Variants in WDR49 observed in about 807,000 individuals in gnomAD.
WDR49 encodes cilia- and flagella-associated protein 337.
A neutral mutation model predicts 119.5 loss-of-function variants in WDR49; 107 were observed. The observed-to-expected ratio is 0.90, with a 90% CI of 0.77 to 1.05. The LOEUF (loss-of-function observed/expected upper bound fraction) is 1.05. Ranked by LOEUF, WDR49 falls within the 50% of genes least tolerant of loss-of-function variation. The pLI is 0.00. For missense variants in WDR49, 1,240 were observed against 1,220.5 expected, an observed-to-expected ratio of 1.02 and a Z score of -0.24; for synonymous variants, 425 against 418.8, an observed-to-expected ratio of 1.01 and a Z score of -0.18.
intron 16 of WDR49, among the ~76,000 whole-genome samples, chr3:167,506,455 T>A (rs991344218): frequency 2.0e-5 from 3 of 152,228 alleles, no homozygotes; most frequent in Non-Finnish European, 2.9e-5. Flanking sequence ...TAAAAGATTT[T>A]AAAATATCAA....
At chr3:167,559,310 G>A (rs1253755004) in intron 9 of WDR49, among the ~76,000 whole-genome samples, 1 of 152,094 alleles carries the variant, frequency 6.6e-6, no homozygotes. Flanking sequence ...TTTATTCAGG[G>A]AATTACCTTC....
chr3:167,492,552 A>G (rs1751184285), intron 18 of WDR49, among the ~76,000 whole-genome samples: 1 of 152,138 alleles, frequency 6.6e-6, no homozygotes, highest in Admixed American at 6.6e-5. Flanking sequence ...AATAAAATGT[A>G]TCAAAGTCTT....
intron 2 of WDR49, among the ~76,000 whole-genome samples, chr3:167,649,005 GA>G (rs1414494591): frequency 6.6e-6 from 1 of 152,032 alleles, no homozygotes; most frequent in African/African-American, 2.4e-5. Flanking sequence ...TTTTATCTAA[GA>G]AAAAATTTTA....
At chr3:167,646,745 G>A (rs1011045098) in intron 2 of WDR49, among the ~76,000 whole-genome samples, 12 of 152,172 alleles carry the variant, frequency 7.9e-5, no homozygotes, top group African/African-American at 2.7e-4. Flanking sequence ...AGAGAAAGGT[G>A]TACACATGCA....
In WDR49 at chr3:167,604,279, TATC is replaced by T; in HGVS notation, c.1126+19_1126+21del. On this transcript the variant is annotated intron_variant, in intron 6 of 18. Transcript: ENST00000682715. ...AGACTATTTATGAGGCCCTCATAGT[TATC>T]ATGATTTATTTTACCTACCAATTAA... is the stretch of plus-strand genomic sequence containing the variant. 1 of 1,612,222 alleles carries T rather than the reference TATC, an allele frequency of 6.2e-7. No homozygotes were observed.
intron 7 of WDR49, among the ~76,000 whole-genome samples, chr3:167,586,322 G>A (rs978375965): frequency 1.3e-5 from 2 of 152,250 alleles, no homozygotes; most frequent in South Asian, 2.1e-4. Context: ...AAATGACTAA[G>A]TTACTTGCCC....
chr3:167,570,110 A>C (rs1376237230), intron 8 of WDR49, among the ~76,000 whole-genome samples: 1 of 59,102 alleles, frequency 1.7e-5, no homozygotes, highest in African/African-American at 5.7e-5. Flanking sequence ...TAAGCTAGCC[A>C]AAAAAAAAAA....
intron 10 of WDR49, among the ~76,000 whole-genome samples, chr3:167,551,342 GA>G (rs1174670297): frequency 6.6e-6 from 1 of 151,664 alleles, no homozygotes; most frequent in East Asian, 1.9e-4. Context: ...AAGGAAAGGG[GA>G]AAAAAAGAGA....
In WDR49 at chr3:167,560,096, G is replaced by C. The variant is rs767426100; in HGVS notation, c.1642C>G (p.Leu548Val). 1.1e-5 allele frequency: 18 copies of C among 1,614,042 alleles called. No individual in the cohort carries two copies. Among genetic ancestry groups the C allele is most frequent in the African/African-American group, 2.7e-5 (2 of 74,914 alleles). ...GTCCCATCTGTGCTGCCAGTCAAAA[G>C]CCGAGTCTCATTTGCATCAAGGGCC... ...TMALDANETRLLTGSTDGTVK... is the reference protein window; with the variant it reads ...TMALDANETRVLTGSTDGTVK... Residue 548 changes from leucine to valine, a missense_variant, in exon 9 of 19, where the codon CTT becomes GTT. Transcript: ENST00000682715.
At position 167,551,389 on chromosome 3, in the gene WDR49, C is replaced by T. The variant is rs187655489; in HGVS notation, c.1823+3261G>A. ...TATCTGAGTTGTTGTTAAGTTGCTA[C>T]CACATGTTTTTTTGTGTGTTTCTTC... On this transcript the variant is annotated intron_variant, in intron 10 of 18. Transcript: ENST00000682715. Among the ~76,000 whole-genome samples, 40 of 152,076 alleles carry T rather than the reference C, an allele frequency of 2.6e-4. No homozygotes were observed. The East Asian group carries it at 7.2e-3, about 27-fold the overall frequency.
intron 16 of WDR49, among the ~76,000 whole-genome samples, chr3:167,508,625 G>T (rs1751859951): frequency 6.6e-6 from 1 of 152,126 alleles, no homozygotes; most frequent in African/African-American, 2.4e-5. Flanking sequence ...ATATTCTTCA[G>T]AACTATCAGA....
intron 7 of WDR49, among the ~76,000 whole-genome samples, chr3:167,583,799 C>A (rs1714672896): frequency 6.6e-6 from 1 of 152,110 alleles, no homozygotes; most frequent in South Asian, 2.1e-4. Context: ...TTGCACATTT[C>A]ATTATACCCT....
intron 16 of WDR49, among the ~76,000 whole-genome samples, chr3:167,512,335 A>G (rs1752007621): frequency 6.6e-6 from 1 of 152,180 alleles, no homozygotes; most frequent in Non-Finnish European, 1.5e-5. Context: ...TAGAGCCTAG[A>G]GTGGACCCCC....
At chr3:167,487,883 G>A (rs183954329) in intron 18 of WDR49, among the ~76,000 whole-genome samples, 13 of 152,020 alleles carry the variant, frequency 8.6e-5, no homozygotes, top group Admixed American at 8.5e-4. Flanking sequence ...ACAGATTCTT[G>A]CAAGGCTGTG....
At chr3:167,573,189 G>A (rs1402725737) in intron 8 of WDR49, among the ~76,000 whole-genome samples, 2 of 151,988 alleles carry the variant, frequency 1.3e-5, no homozygotes, top group Non-Finnish European at 2.9e-5. Context: ...AGGGAGGCAC[G>A]TGCTATTCCC....
At chr3:167,516,381 A>C (rs1455687944) in intron 16 of WDR49, among the ~76,000 whole-genome samples, 1 of 151,910 alleles carries the variant, frequency 6.6e-6, no homozygotes, top group East Asian at 1.9e-4. Flanking sequence ...TAGTTTGCTG[A>C]GAATGATGGT....
At chr3:167,593,220 T>C (rs540368177) in intron 7 of WDR49, among the ~76,000 whole-genome samples, 1 of 152,234 alleles carries the variant, frequency 6.6e-6, no homozygotes, top group African/African-American at 2.4e-5. Context: ...ACTTCCTCTT[T>C]AAGTCCAATA....
At chr3:167,481,238 CACAA>C (rs1273175553) in intron 18 of WDR49, among the ~76,000 whole-genome samples, 10 of 152,174 alleles carry the variant, frequency 6.6e-5, no homozygotes, top group African/African-American at 1.7e-4. Flanking sequence ...ATTGCCATTG[CACAA>C]ACATTGTTAC....
chr3:167,565,356 G>GA (rs747708281), intron 8 of WDR49, among the ~76,000 whole-genome samples: 3,697 of 91,446 alleles, frequency 0.04, 90 homozygotes, highest in Admixed American at 0.089. Flanking sequence ...AACAAGATCA[G>GA]AAAAAAAAAA....
Sources: allele counts gnomAD v4.1 joint callset (sites outside exome capture counted in the v4.1 genomes callset), GRCh38; gene constraint gnomAD v4.1.1; transcripts MANE v1.5; gene names NCBI Gene and HGNC (gene_info 2026-07-23, HGNC 2026-07-21).